MAP3K3: variants seen among roughly 807,000 people sequenced by gnomAD.
MAP3K3 encodes the protein mitogen-activated protein kinase kinase kinase 3.
In MAP3K3, 12 loss-of-function variants were observed where a neutral mutation model predicts 80.9. The observed-to-expected ratio is 0.15, with a 90% CI of 0.10 to 0.24. The LOEUF (loss-of-function observed/expected upper bound fraction) is 0.24. MAP3K3 is among the 10% of genes least tolerant of loss of function. MAP3K3 has a pLI of 1.00. For synonymous variants in MAP3K3, 272 were observed against 307.1 expected (o/e 0.89, Z 1.19); for missense variants, 596 against 834.7 (o/e 0.71, Z 3.52).
At chr17:63,677,238 A>G (rs985727983) in intron 6 of MAP3K3, among the ~76,000 whole-genome samples, 2 of 152,186 alleles carry the variant, frequency 1.3e-5, no homozygotes, top group African/African-American at 2.4e-5. Flanking sequence ...GAACCCACGT[A>G]TATCTAATTT....
chr17:63,689,695 G>T lies in MAP3K3; in HGVS notation c.1023G>T (p.Glu341Asp). Reference sequence around the variant, plus strand: ...GGCGCCTGCGGAGTGCGGACAGCGAGAATGCCCTCTCTGTGCAGGAGAGGA... The same window carrying T: ...GGCGCCTGCGGAGTGCGGACAGCGATAATGCCCTCTCTGTGCAGGAGAGGA... Reference protein sequence around the residue: ...PRGRLRSADSENALSVQERNV... With the variant: ...PRGRLRSADSDNALSVQERNV... Residue 341 changes from glutamate (E) to aspartate (D), a missense_variant, in exon 11 of 16, where the codon GAG becomes GAT. By Grantham distance (45) the Glu-to-Asp change is conservative. Around this residue, in one of 2 missense-constraint regions of MAP3K3, gnomAD observed 364 missense variants for 588.9 expected, o/e 0.62. Coordinates refer to ENST00000361733, the MANE Select transcript of MAP3K3 (RefSeq NM_002401.5). This position sits in a 1 kb window ranked among gnomAD's most constrained non-coding sequence, Gnocchi z 4.3. 6.2e-7 allele frequency: 1 copy of T among 1,613,944 alleles called. No individual in the cohort carries two copies. The highest frequency in any genetic ancestry group is 1.1e-5 in the South Asian group (1 of 91,018).
chr17:63,629,580 AAAAC>A (rs150975608), intron 1 of MAP3K3, among the ~76,000 whole-genome samples: 42,042 of 151,956 alleles, frequency 0.28, 6,154 homozygotes, highest in Middle Eastern at 0.38. Flanking sequence ...AAAAAAAACA[AAAAC>A]AAAACCTCAA....
chr17:63,681,527 T>C (rs767364978), intron 6 of MAP3K3, among the ~76,000 whole-genome samples: 2 of 152,196 alleles, frequency 1.3e-5, no homozygotes, highest in Non-Finnish European at 2.9e-5. Flanking sequence ...TGGTTTCTGT[T>C]TTGTGTCAAG....
At chr17:63,654,689 A>G (rs1056031522) in intron 4 of MAP3K3, among the ~76,000 whole-genome samples, 2 of 152,216 alleles carry the variant, frequency 1.3e-5, no homozygotes, top group Admixed American at 6.5e-5. Context: ...TTATGAGTGT[A>G]TTAGTCTATT....
At chr17:63,659,682 G>A (rs575384377) in intron 5 of MAP3K3, among the ~76,000 whole-genome samples, 74 of 151,656 alleles carry the variant, frequency 4.9e-4, no homozygotes, top group African/African-American at 1.6e-3. Context: ...ACAGGTGCAC[G>A]ACACCACGCC....
At chr17:63,649,685 G>A (rs141198940) in intron 3 of MAP3K3, among the ~76,000 whole-genome samples, 1 of 152,182 alleles carries the variant, frequency 6.6e-6, no homozygotes, top group Non-Finnish European at 1.5e-5. Flanking sequence ...TGGGATTATA[G>A]GTGTGAGCCA....
At chr17:63,659,042 T>A (rs934606270) in intron 5 of MAP3K3, among the ~76,000 whole-genome samples, 10 of 152,068 alleles carry the variant, frequency 6.6e-5, no homozygotes, top group South Asian at 2.1e-4. Context: ...GGCCATTTTT[T>A]AATTTTTTTA....
Position 63,681,797 on chromosome 17 carries a change from C to A in MAP3K3, c.534C>A (p.Pro178=). 6.5e-7 allele frequency: 1 copy of A among 1,540,226 alleles called. No homozygotes were observed. Among genetic ancestry groups the A allele is most frequent in the Admixed American group, 1.9e-5 (1 of 51,520 alleles). Residue 178 remains proline, a synonymous_variant, in exon 7 of 16, where the codon CCC becomes CCA. Transcript: ENST00000361733. ...SSQNPGRSSP[P]PGYVPERQQH... is the part of the protein sequence containing the mutation. ...AGAACCCTGGCCGAAGCTCACCTCC[C>A]CCTGGCTATGTTCCTGAGCGGCAGC...
At chr17:63,659,608 C>T (rs1406123124) in intron 5 of MAP3K3, among the ~76,000 whole-genome samples, 3 of 147,300 alleles carry the variant, frequency 2.0e-5, no homozygotes, top group Non-Finnish European at 4.5e-5. Flanking sequence ...TCTCGGCTCA[C>T]TGCAACCTCC....
At chr17:63,632,344 C>T (rs2034233442) in intron 1 of MAP3K3, among the ~76,000 whole-genome samples, 1 of 151,974 alleles carries the variant, frequency 6.6e-6, no homozygotes. Context: ...ATAAAAAAAT[C>T]ATCCAGGCAT....
intron 3 of MAP3K3, among the ~76,000 whole-genome samples, chr17:63,648,578 C>T (rs1815011885): frequency 6.6e-6 from 1 of 152,146 alleles, no homozygotes; most frequent in Non-Finnish European, 1.5e-5. Flanking sequence ...GTAATCCCAG[C>T]ACTTTGGGAG....
intron 6 of MAP3K3, among the ~76,000 whole-genome samples, chr17:63,676,871 T>G (rs940127449): frequency 1.3e-5 from 2 of 152,190 alleles, no homozygotes; most frequent in African/African-American, 4.8e-5. Flanking sequence ...CTGTGACTGC[T>G]CAGGAACAGC....
chr17:63,640,327 T>C (rs2034414452), intron 2 of MAP3K3, among the ~76,000 whole-genome samples: 1 of 152,074 alleles, frequency 6.6e-6, no homozygotes, highest in African/African-American at 2.4e-5. Flanking sequence ...GAGACTAGTT[T>C]AGGAGAGTAG....
Position 63,653,850 on chromosome 17 carries a change from G to A in MAP3K3, c.267+1194G>A, listed in dbSNP as rs138981916. 2.6e-3 allele frequency among the ~76,000 whole-genome samples: 393 copies of A among 152,188 alleles called. 1 individual carries two copies. Among genetic ancestry groups the A allele is most frequent in the Middle Eastern group, 0.017 (5 of 294 alleles). ...CTGATAGAGTTGTGCAACCAACACC[G>A]CTATCTAATTCCAGAACATTTTCTT... On this transcript the variant is annotated intron_variant, in intron 4 of 15. Coordinates refer to ENST00000361733, the MANE Select transcript of MAP3K3 (RefSeq NM_002401.5).
At position 63,657,973 on chromosome 17, in the gene MAP3K3, C is replaced by T. The variant is rs16947025; in HGVS notation, c.381+66C>T. On this transcript the variant is annotated intron_variant, in intron 5 of 15. Transcript: ENST00000361733. ...CTTGCTTTCCTTCAGGAACTTGTCT[C>T]GCCTCCTTGACAGACATTTTCGTTC... The T allele has an allele frequency of 4.6e-3, 4,126 of 887,986 alleles. 93 individuals are homozygous for T. In the African/African-American group the frequency reaches 0.059, roughly 13 times the overall value. The allele number at this position is 887,986 out of a possible 1,614,324, so 55.0% of individuals were successfully genotyped here.
chr17:63,634,658 ATG>A (rs763357768), intron 2 of MAP3K3: 1 of 1,451,162 alleles, frequency 6.9e-7, no homozygotes, highest in Non-Finnish European at 9.6e-7. Flanking sequence ...TGTCAAACTT[ATG>A]TTGCACGAAG....
intron 6 of MAP3K3, among the ~76,000 whole-genome samples, chr17:63,669,875 G>A (rs1163573214): frequency 6.6e-6 from 1 of 152,136 alleles, no homozygotes; most frequent in Admixed American, 6.5e-5. Flanking sequence ...GCCGAGTTGG[G>A]TGGATTGCTT....
intron 4 of MAP3K3, 29 bp downstream of exon 4, chr17:63,652,685 C>G (rs780684814): frequency 2.8e-6 from 4 of 1,448,158 alleles, no homozygotes; most frequent in African/African-American, 1.4e-5. Context: ...GGGGCAGGGA[C>G]AAGAGGGGCA....
At chr17:63,663,832 C>G (rs751786963) in intron 5 of MAP3K3, among the ~76,000 whole-genome samples, 6 of 152,026 alleles carry the variant, frequency 3.9e-5, no homozygotes, top group African/African-American at 1.4e-4. Flanking sequence ...TTCCAGGCTG[C>G]GATGAGCTAT....
Sources: gnomAD v4.1 joint callset for allele counts (sites outside exome capture counted in the v4.1 genomes callset) on GRCh38, gnomAD v4.1.1 for gene constraint, gnomAD v4.1.1 regional missense constraint, Gnocchi (gnomAD v3.1) non-coding constraint, MANE v1.5 for transcripts, NCBI Gene and HGNC (gene_info 2026-07-23, HGNC 2026-07-21) for gene names.